The following ECD variants were observed in gnomAD, a reference collection of about 807,000 sequenced individuals.
ECD encodes the protein protein ecdysoneless homolog.
In ECD, 59 loss-of-function variants were observed where a neutral mutation model predicts 77.2. That is an observed-to-expected ratio of 0.76 (90% CI 0.62 to 0.95). ECD has a LOEUF of 0.95. ECD is among the 40% of genes least tolerant of loss of function. The pLI, the probability that ECD is intolerant of heterozygous loss-of-function variation, is 0.00. For synonymous variants in ECD, 233 were observed against 267.4 expected (o/e 0.87, Z 1.26); for missense variants, 704 against 763.4 (o/e 0.92, Z 0.92).
intron 9 of ECD, among the ~76,000 whole-genome samples, chr10:73,145,254 C>T (rs1843108224): frequency 6.6e-6 from 1 of 151,958 alleles, no homozygotes; most frequent in South Asian, 2.1e-4. Flanking sequence ...GTCCTAGCTA[C>T]TTGGGAGGCT....
chr10:73,162,415 CAAGAT>C (rs1843392323), intron 2 of ECD, among the ~76,000 whole-genome samples: 1 of 152,098 alleles, frequency 6.6e-6, no homozygotes, highest in Non-Finnish European at 1.5e-5. Context: ...TGCCATTAAA[CAAGAT>C]AAGAAAACAG....
At chr10:73,149,279 T>C (rs1419099884) in intron 7 of ECD, among the ~76,000 whole-genome samples, 2 of 152,182 alleles carry the variant, frequency 1.3e-5, no homozygotes, top group Non-Finnish European at 2.9e-5. Flanking sequence ...CTAAAAAGGT[T>C]TGTGCATTTT....
At position 73,134,662 on chromosome 10, in the gene ECD, G is replaced by A. The variant is rs1842956722; in HGVS notation, c.1856C>T (p.Ser619Phe). The A allele has an allele frequency of 6.2e-7, 1 of 1,614,062 alleles. No homozygotes were observed. Among genetic ancestry groups the A allele is most frequent in the African/African-American group, 1.3e-5 (1 of 74,936 alleles). The change falls in exon 14 of 14, where the codon TCC (serine) becomes TTC (phenylalanine). Residue 619 changes from serine (S) to phenylalanine (F), a missense_variant. Ser to Phe is a radical substitution (Grantham distance 155). Coordinates refer to ENST00000372979, the MANE Select transcript of ECD (RefSeq NM_007265.3). Reference protein sequence around the residue: ...SSQAGLAGPASNLLQSMGVQL... With the variant: ...SSQAGLAGPAFNLLQSMGVQL... ...CACTCCCATGCTTTGTAAAAGATTG[G>A]AAGCAGGTCCTGCCAGTCCAGCTTG...
chr10:73,156,702 G>C, intron 3 of ECD, 47 bp from the exon 4 acceptor site: 1 of 1,503,862 alleles, frequency 6.6e-7, no homozygotes, highest in Non-Finnish European at 9.2e-7. Flanking sequence ...GCATATATCT[G>C]CTAGTAACCA....
intron 9 of ECD, among the ~76,000 whole-genome samples, chr10:73,142,369 TG>T (rs1843069697): frequency 6.6e-6 from 1 of 151,906 alleles, no homozygotes; most frequent in Admixed American, 6.6e-5. Context: ...TTAAAAATAT[TG>T]TAGAGATGTA....
At chr10:73,161,881 C>T (rs576832461) in intron 2 of ECD, among the ~76,000 whole-genome samples, 12 of 152,222 alleles carry the variant, frequency 7.9e-5, no homozygotes, top group Non-Finnish European at 1.2e-4. Flanking sequence ...GTTCAACACA[C>T]GAAAATCAAT....
At chr10:73,136,383 T>TA (rs1431330551) in intron 13 of ECD, among the ~76,000 whole-genome samples, 1 of 152,218 alleles carries the variant, frequency 6.6e-6, no homozygotes, top group Non-Finnish European at 1.5e-5. Flanking sequence ...AAAATCCATT[T>TA]AAGCTGTAGT....
chr10:73,158,661 G>A (rs1390894942), intron 3 of ECD, among the ~76,000 whole-genome samples: 17 of 151,910 alleles, frequency 1.1e-4, no homozygotes, highest in Admixed American at 1.3e-4. Context: ...GCTTGAGCCC[G>A]GGAGGCAGAG....
intron 8 of ECD, 124 bp downstream of exon 8, chr10:73,148,152 G>T (rs530383660): frequency 8.2e-7 from 1 of 1,226,908 alleles, no homozygotes; most frequent in Non-Finnish European, 1.1e-6. Flanking sequence ...AACTAGAAAG[G>T]TCTCCTTTAA....
At position 73,141,373 on chromosome 10, in the gene ECD, G is replaced by A. The variant is rs550792316; in HGVS notation, c.1128-1636C>T. 71 of 166,770 alleles carry A rather than the reference G, an allele frequency of 4.3e-4. 1 individual carries two copies. Among genetic ancestry groups the A allele is most frequent in the South Asian group, 5.9e-4 (5 of 8,412 alleles). 10.3% of individuals were successfully genotyped at this position (166,770 alleles called of 1,614,324 possible). A position where few individuals can be genotyped will look rare whatever the true frequency, so the allele number is the denominator to read the frequency against. On this transcript the variant is annotated intron_variant, in intron 9 of 13. Coordinates refer to ENST00000372979, the MANE Select transcript of ECD (RefSeq NM_007265.3). Reference sequence around the variant, plus strand: ...AAAAAAAAAAAAAAATTAGCTGGGCGTGGTGGTGGGTACCTGTTGTCCCAG... The same window carrying A: ...AAAAAAAAAAAAAAATTAGCTGGGCATGGTGGTGGGTACCTGTTGTCCCAG...
At position 73,136,767 on chromosome 10, in the gene ECD, G is replaced by A; in HGVS notation, c.1641C>T (p.Ala547=). Residue 547 remains alanine, a synonymous_variant, in exon 13 of 14, where the codon GCC becomes GCT. Transcript: ENST00000372979. ...GTLDNLKSYM[A]QMDQELAHTC... is the part of the protein sequence containing the mutation. ...TGTGTGCTAGTTCCTGGTCCATCTG[G>A]GCCATGTATGACTTGAGATTATCAA... 6.2e-7 allele frequency: 1 copy of A among 1,613,932 alleles called. No individual in the cohort carries two copies. Among genetic ancestry groups the A allele is most frequent in the Non-Finnish European group, 8.5e-7 (1 of 1,179,976 alleles).
At chr10:73,141,658 T>C (rs1237176180) in intron 9 of ECD, among the ~76,000 whole-genome samples, 1 of 152,246 alleles carries the variant, frequency 6.6e-6, no homozygotes, top group Non-Finnish European at 1.5e-5. Context: ...CTTCTCACTA[T>C]GACTCTCTTT....
intron 5 of ECD, among the ~76,000 whole-genome samples, chr10:73,154,892 C>T (rs775110021): frequency 3.3e-5 from 5 of 151,926 alleles, no homozygotes; most frequent in African/African-American, 7.2e-5. Flanking sequence ...CGAGATCACG[C>T]CACTGCACTC....
At chr10:73,165,826 T>G (rs981657055) in intron 1 of ECD, among the ~76,000 whole-genome samples, 1 of 152,156 alleles carries the variant, frequency 6.6e-6, no homozygotes, top group Non-Finnish European at 1.5e-5. Flanking sequence ...AGCCAGGACA[T>G]GCTCTCATCT....
intron 7 of ECD, among the ~76,000 whole-genome samples, 195 bp from the exon 8 acceptor site, chr10:73,148,599 T>C (rs1332381202): frequency 1.3e-5 from 2 of 152,186 alleles, no homozygotes; most frequent in African/African-American, 4.8e-5. Flanking sequence ...CATTATAGAT[T>C]ACTAAAAACA....
intron 6 of ECD, among the ~76,000 whole-genome samples, chr10:73,152,632 C>T (rs752620848): frequency 3.3e-5 from 5 of 152,106 alleles, no homozygotes; most frequent in Non-Finnish European, 5.9e-5. Context: ...CTACTGCTGG[C>T]CAGGCATGGT....
chr10:73,167,344 G>A (rs928623917), intron 1 of ECD, among the ~76,000 whole-genome samples: 9 of 152,064 alleles, frequency 5.9e-5, no homozygotes, highest in Non-Finnish European at 1.2e-4. Flanking sequence ...AATGTCACTG[G>A]TATTTTGATG....
chr10:73,165,063 G>A (rs946123136), intron 1 of ECD, among the ~76,000 whole-genome samples: 1 of 152,090 alleles, frequency 6.6e-6, no homozygotes, highest in Non-Finnish European at 1.5e-5. Flanking sequence ...GTGCCACTAT[G>A]GACATTTCAC....
intron 6 of ECD, among the ~76,000 whole-genome samples, chr10:73,152,922 A>T (rs1029643481): frequency 7.2e-5 from 11 of 152,038 alleles, no homozygotes; most frequent in Non-Finnish European, 1.5e-4. Context: ...TGCAAAAAAA[A>T]TTTTACCCTA....
Sources: gnomAD v4.1 joint callset for allele counts (sites outside exome capture counted in the v4.1 genomes callset) on GRCh38, gnomAD v4.1.1 for gene constraint, MANE v1.5 for transcripts, NCBI Gene and HGNC (gene_info 2026-07-23, HGNC 2026-07-21) for gene names.